Variants in CHN1 observed in about 807,000 individuals in gnomAD.
CHN1 encodes N-chimaerin.
In CHN1, 37 loss-of-function variants were observed where a neutral mutation model predicts 59.5. The ratio of observed to expected loss-of-function variants is 0.62; its 90% CI spans 0.48 to 0.82. CHN1 has a LOEUF of 0.82. CHN1 is among the 40% of genes least tolerant of loss of function. The pLI is 0.00. For missense variants in CHN1, 469 were observed against 571.0 expected, an observed-to-expected ratio of 0.82 and a Z score of 1.82; for synonymous variants, 206 against 200.4, an observed-to-expected ratio of 1.03 and a Z score of -0.24.
chr2:174,907,791 C>G (rs1255897096), intron 5 of CHN1, among the ~76,000 whole-genome samples: 1 of 151,684 alleles, frequency 6.6e-6, no homozygotes, highest in East Asian at 1.9e-4. Context: ...CCCATAGGTA[C>G]GAAATTTTAT....
rs754284465 is a variant in CHN1 at position 174,877,943 on chromosome 2, G to A, written c.446C>T (p.Thr149Ile). The stretch of plus-strand genomic sequence containing the variant: ...GTATGCTGGCTCTCTGTTTAAGGTT[G>A]TGTATCCTACGTGCTCATAAATTGG... Reference protein sequence around the residue: ...INPIYEHVGYTTLNREPAYKK... With the variant: ...INPIYEHVGYITLNREPAYKK... The change falls in exon 6 of 13, where the codon ACA (threonine) becomes ATA (isoleucine). Residue 149 changes from threonine to isoleucine, a missense_variant. By Grantham distance (89) the Thr-to-Ile change is moderately conservative. Coordinates refer to ENST00000409900, the MANE Select transcript of CHN1 (RefSeq NM_001822.7). 1 of 1,613,842 alleles carries A rather than the reference G, an allele frequency of 6.2e-7. No homozygotes were observed. The highest frequency in any genetic ancestry group is 8.5e-7 in the Non-Finnish European group (1 of 1,179,792).
rs773684607 is a variant in CHN1, at chr2:174,846,918, C to A, written c.589G>T (p.Glu197Ter). 1 of 1,552,556 alleles carries A rather than the reference C, an allele frequency of 6.4e-7. No homozygotes were observed. The highest frequency in any genetic ancestry group is 8.7e-7 in the Non-Finnish European group (1 of 1,147,232). The stretch of plus-strand genomic sequence containing the variant: ...ATCTTTTCATATTTTGGAATTTGCT[C>A]GTTTTCTTTCAGAGTTGCTCTTCTA... The part of the protein sequence containing the change: ...LVRRATLKEN[E>*]QIPKYEKIHN... The change falls in exon 7 of 13, where the codon GAG (glutamate) becomes TAG (stop). Residue 197 changes from glutamate (E) to a stop codon, truncating the protein, a stop_gained. Coordinates refer to ENST00000409900, the MANE Select transcript of CHN1 (RefSeq NM_001822.7). LOFTEE classifies it high-confidence loss of function.
intron 5 of CHN1, among the ~76,000 whole-genome samples, chr2:174,898,734 T>C (rs1299466303): frequency 6.6e-6 from 1 of 152,212 alleles, no homozygotes; most frequent in African/African-American, 2.4e-5. Context: ...ATCATGTCTA[T>C]CTGGGCACAA....
chr2:174,855,729 T>C (rs999542397), intron 6 of CHN1, among the ~76,000 whole-genome samples: 2 of 152,170 alleles, frequency 1.3e-5, no homozygotes, highest in African/African-American at 4.8e-5. Flanking sequence ...GTAAGGTAGT[T>C]ATTACAATTC....
chr2:174,906,592 TATAAC>T, intron 5 of CHN1, among the ~76,000 whole-genome samples: 1 of 152,272 alleles, frequency 6.6e-6, no homozygotes, highest in Non-Finnish European at 1.5e-5. Flanking sequence ...TGCTATGCTA[TATAAC>T]TGAAGAAACA....
chr2:175,004,427 C>A, intron 1 of CHN1, among the ~76,000 whole-genome samples: 1 of 152,110 alleles, frequency 6.6e-6, no homozygotes, highest in East Asian at 1.9e-4. Flanking sequence ...ACGGAATATA[C>A]TGAGTCCAAA....
At chr2:174,962,157 C>T (rs139707681) in intron 1 of CHN1, among the ~76,000 whole-genome samples, 6,344 of 151,738 alleles carry the variant, frequency 0.042, 484 homozygotes, top group African/African-American at 0.15. Context: ...GGGTGGCGCG[C>T]GCCTATAATC....
intron 1 of CHN1, among the ~76,000 whole-genome samples, chr2:174,988,883 C>T (rs552168603): frequency 2.8e-4 from 42 of 152,284 alleles, no homozygotes; most frequent in South Asian, 8.3e-4. Flanking sequence ...TTTCAGTTCA[C>T]ATTACCATTT....
chr2:174,961,513 C>G (rs1159893855), intron 1 of CHN1, among the ~76,000 whole-genome samples: 2 of 151,956 alleles, frequency 1.3e-5, no homozygotes, highest in South Asian at 4.1e-4. Context: ...ATCGCTTGAA[C>G]CCGGGAGGCG....
chr2:174,877,049 C>G (rs1270440736), intron 6 of CHN1, among the ~76,000 whole-genome samples: 1 of 152,042 alleles, frequency 6.6e-6, no homozygotes, highest in Non-Finnish European at 1.5e-5. Context: ...ATTACAATAC[C>G]TAAAATGCCC....
At chr2:174,944,691 T>C (rs1248977794) in intron 3 of CHN1, among the ~76,000 whole-genome samples, 197 bp downstream of exon 3, 1 of 152,192 alleles carries the variant, frequency 6.6e-6, no homozygotes, top group African/African-American at 2.4e-5. Flanking sequence ...TATACTGTGT[T>C]CCAAACAGTC....
intron 1 of CHN1, among the ~76,000 whole-genome samples, chr2:174,974,801 C>T (rs995465401): frequency 1.3e-5 from 2 of 151,596 alleles, no homozygotes; most frequent in African/African-American, 4.8e-5. Flanking sequence ...GCACATATAA[C>T]ATATATGAAA....
chr2:174,843,517 A>G (rs948878615), intron 7 of CHN1, among the ~76,000 whole-genome samples: 17 of 152,114 alleles, frequency 1.1e-4, no homozygotes, highest in African/African-American at 3.9e-4. Context: ...GATTACAGGC[A>G]TGAGCCACTG....
intron 7 of CHN1, among the ~76,000 whole-genome samples, chr2:174,837,517 A>G (rs1686129122): frequency 2.0e-5 from 3 of 152,222 alleles, no homozygotes; most frequent in African/African-American, 7.2e-5. Flanking sequence ...AGTCTGGATA[A>G]TACCTTACAA....
chr2:174,976,194 A>G (rs971667630), intron 1 of CHN1, among the ~76,000 whole-genome samples: 2 of 151,468 alleles, frequency 1.3e-5, no homozygotes, highest in African/African-American at 4.9e-5. Flanking sequence ...TTTTTATTAA[A>G]ATTTCTGCCA....
chr2:174,969,867 G>A (rs1254458203), intron 1 of CHN1, among the ~76,000 whole-genome samples: 1 of 152,054 alleles, frequency 6.6e-6, no homozygotes, highest in Non-Finnish European at 1.5e-5. Context: ...TTGTCAGTGT[G>A]GTCTGTAAAC....
intron 7 of CHN1, among the ~76,000 whole-genome samples, chr2:174,831,294 T>A (rs1685871286): frequency 6.6e-6 from 1 of 152,230 alleles, no homozygotes; most frequent in South Asian, 2.1e-4. Context: ...ATCCATACAT[T>A]CCCAATCACC....
intron 3 of CHN1, chr2:174,921,035 G>A: frequency 2.4e-6 from 1 of 414,106 alleles, no homozygotes; most frequent in Non-Finnish European, 5.1e-6. Flanking sequence ...AGTCTAATAT[G>A]GCCGCTGATC....
At chr2:174,877,048 C>A (rs1330144666) in intron 6 of CHN1, among the ~76,000 whole-genome samples, 1 of 151,998 alleles carries the variant, frequency 6.6e-6, no homozygotes, top group Non-Finnish European at 1.5e-5. Context: ...AATTACAATA[C>A]CTAAAATGCC....
Sources: allele counts gnomAD v4.1 joint callset (sites outside exome capture counted in the v4.1 genomes callset), GRCh38; gene constraint gnomAD v4.1.1; transcripts MANE v1.5; gene names NCBI Gene and HGNC (gene_info 2026-07-23, HGNC 2026-07-21).